The following PJVK variants were observed in gnomAD, a reference collection of about 807,000 sequenced individuals.
PJVK encodes autosomal recessive deafness type 59 protein.
PJVK carries 33 observed loss-of-function variants against 37.6 expected under a neutral mutation model. The observed-to-expected ratio is 0.88, with a 90% CI of 0.67 to 1.17. PJVK has a LOEUF of 1.17. PJVK is among the 50% of genes most tolerant of loss of function. PJVK has a pLI of 0.00. For synonymous variants in PJVK, 141 were observed against 143.5 expected, an observed-to-expected ratio of 0.98 and a Z score of 0.13; for missense variants, 410 against 413.8, an observed-to-expected ratio of 0.99 and a Z score of 0.08.
At position 178,460,431 on chromosome 2, in the gene PJVK, A is replaced by G. The variant is rs200878798; in HGVS notation, c.751A>G (p.Ile251Val). 42 of 1,613,824 alleles carry G rather than the reference A, an allele frequency of 2.6e-5. No individual in the cohort carries two copies. In the African/African-American group the frequency reaches 4.9e-4, roughly 19 times the overall value. Residue 251 changes from isoleucine to valine, a missense_variant, in exon 6 of 7, where the codon ATC becomes GTC. Physicochemically the swap from Ile to Val is conservative, Grantham distance 29. Coordinates refer to ENST00000644580, the MANE Select transcript of PJVK (RefSeq NM_001042702.5). ...TGCACTGCTGTACAGGTTGAGAAATATCCTATTTGAAAGAAGTATGTTTAT... is the reference window on the plus strand; with the variant it reads ...TGCACTGCTGTACAGGTTGAGAAATGTCCTATTTGAAAGAAGTATGTTTAT... ...TFALLYRLRN[I>V]LFERNRRVMD... is the part of the protein sequence containing the mutation.
intron 3 of PJVK, chr2:178,455,184 T>C (rs1206907836): frequency 5.0e-6 from 8 of 1,590,542 alleles, no homozygotes; most frequent in African/African-American, 2.7e-5. Flanking sequence ...ATCAAGAAGA[T>C]GGAGTGGTGG....
At chr2:178,455,367 T>G (rs944446785) in intron 3 of PJVK, 11 of 1,320,184 alleles carry the variant, frequency 8.3e-6, no homozygotes, top group African/African-American at 1.4e-5. Flanking sequence ...AAACAGGAGA[T>G]TCTGAAGAAG....
rs114870779 is a variant in PJVK at position 178,460,063 on chromosome 2, G to T, written c.668-285G>T. 1,765 of 370,890 alleles carry T rather than the reference G, an allele frequency of 4.8e-3. 24 individuals carry two copies. The highest frequency in any genetic ancestry group is 0.034 in the African/African-American group (1,633 of 48,472). 23.0% of individuals were successfully genotyped at this position (370,890 alleles called of 1,614,324 possible). A position where few individuals can be genotyped will look rare whatever the true frequency, so the allele number is the denominator to read the frequency against. On this transcript the variant is annotated intron_variant, in intron 5 of 6. Coordinates refer to ENST00000644580, the MANE Select transcript of PJVK (RefSeq NM_001042702.5). ...TTTCTTTATGCTTATAAAATATATG[G>T]AGTATTTCTGGAAGCAAACATAAGA...
rs760908810 is a variant in PJVK at position 178,456,169 on chromosome 2, G to T, written c.549+18G>T. On this transcript the variant is annotated intron_variant, in intron 4 of 6. Transcript: ENST00000644580. ...CAATGCGGGTAAACCACACTTGTTG[G>T]GTTCTCTTACTAACTAAAGTGTTGC... is the stretch of plus-strand genomic sequence containing the variant. 41 of 1,612,488 alleles carry T rather than the reference G, an allele frequency of 2.5e-5. No homozygotes were observed. The highest frequency in any genetic ancestry group is 3.2e-5 in the Non-Finnish European group (38 of 1,179,260).
chr2:178,461,392 TA>T lies in PJVK; in HGVS notation c.*120del, dbSNP rs890361972. 2 of 1,173,416 alleles carry T rather than the reference TA, an allele frequency of 1.7e-6. No individual in the cohort carries two copies. The highest frequency in any genetic ancestry group is 3.1e-5 in the African/African-American group (2 of 65,454). 72.7% of individuals were successfully genotyped at this position (1,173,416 alleles called of 1,614,324 possible). On this transcript the variant is annotated 3_prime_UTR_variant, in exon 7 of 7. Transcript: ENST00000644580. ...TAAAATGAGAAAAGCAAAAAGAAAT[TA>T]ACCTGTCTGGGTATCATATTCCCTA...
At chr2:178,453,057 A>C in intron 1 of PJVK, 1 of 317,722 alleles carries the variant, frequency 3.1e-6, no homozygotes, top group South Asian at 2.7e-5. Flanking sequence ...CTTCCCTTAA[A>C]ATTGGCCCAT....
At chr2:178,454,585 A>G (rs1356296261) in intron 3 of PJVK, 58 bp downstream of exon 3, 1 of 1,542,052 alleles carries the variant, frequency 6.5e-7, no homozygotes, top group Non-Finnish European at 8.9e-7. Context: ...TAGGTATATA[A>G]ACTTCATTAC....
In PJVK at chr2:178,453,323, ACAAG is replaced by A. The variant is rs1295564685; in HGVS notation, c.-22-61_-22-58del. On this transcript the variant is annotated intron_variant, in intron 1 of 6. Transcript: ENST00000644580. ...TTAAGATGTATAATTATATTTAAAAACAAGCAATGCTTAATTTTGTGCCTGATTT... is the reference window on the plus strand; with the variant it reads ...TTAAGATGTATAATTATATTTAAAAACAATGCTTAATTTTGTGCCTGATTT... The A allele has an allele frequency of 6.1e-6, 8 of 1,321,224 alleles. No individual in the cohort carries two copies. The African/African-American group carries it at 8.8e-5, about 15-fold the overall frequency. 81.8% of individuals were successfully genotyped at this position (1,321,224 alleles called of 1,614,324 possible).
Position 178,454,395 on chromosome 2 carries a change from G to A in PJVK, c.275G>A (p.Arg92Gln), listed in dbSNP as rs376963613. The change falls in exon 3 of 7, where the codon CGA (arginine) becomes CAA (glutamine). Residue 92 changes from arginine to glutamine, a missense_variant. Coordinates refer to ENST00000644580, the MANE Select transcript of PJVK (RefSeq NM_001042702.5). ...TCAGATGTTTCACTCTATGGAAGGC[G>A]AGGTAACCATATTGTAAATGACGTT... ...DESDVSLYGR[R>Q]GNHIVNDVGI... is the part of the protein sequence containing the mutation. 9.3e-6 allele frequency: 15 copies of A among 1,613,830 alleles called. No homozygotes were observed. The highest frequency in any genetic ancestry group is 4.0e-5 in the African/African-American group (3 of 74,926).
At position 178,453,456 on chromosome 2, in the gene PJVK, G is replaced by T. The variant is rs775279693; in HGVS notation, c.47G>T (p.Gly16Val). ...TKSFVKQVGD[G>V]GRLVPVPSLS... is the part of the protein sequence containing the mutation. ...AGCTTTGTCAAGCAAGTTGGAGATG[G>T]AGGGAGATTAGTTCCTGTTCCAAGC... The change falls in exon 2 of 7, where the codon GGA becomes GTA. Residue 16 changes from glycine (G) to valine (V), a missense_variant. Transcript: ENST00000644580. 5.0e-6 allele frequency: 8 copies of T among 1,614,180 alleles called. No individual in the cohort carries two copies. Among genetic ancestry groups the T allele is most frequent in the South Asian group, 1.1e-5 (1 of 91,080 alleles).
intron 6 of PJVK, 120 bp from the exon 7 acceptor site, chr2:178,460,848 CAAAAAAAAAAAAAA>C: frequency 3.3e-6 from 1 of 305,220 alleles, no homozygotes; most frequent in Admixed American, 6.0e-5. Flanking sequence ...GACCCTGTCT[CAAAAAAAAAAAAAA>C]AAAAAAAAAA....
At chr2:178,455,710 TACAC>T (rs2154126033) in intron 3 of PJVK, among the ~76,000 whole-genome samples, 1 of 152,202 alleles carries the variant, frequency 6.6e-6, no homozygotes, top group South Asian at 2.1e-4. Context: ...ACTTTGGCTC[TACAC>T]ACATTTGCTT....
chr2:178,453,090 A>T, intron 1 of PJVK: 1 of 348,168 alleles, frequency 2.9e-6, no homozygotes, highest in Non-Finnish European at 5.5e-6. Context: ...ATCACTATCT[A>T]CTGTGATCCT....
At chr2:178,453,657 C>G in intron 2 of PJVK, 37 bp downstream of exon 2, 1 of 1,552,106 alleles carries the variant, frequency 6.4e-7, no homozygotes, top group Non-Finnish European at 8.8e-7. Context: ...ACTCATTCAT[C>G]TGTATTATTG....
rs982098963 is a variant in PJVK at position 178,455,128 on chromosome 2, G to A, written c.407+601G>A. On this transcript the variant is annotated intron_variant, in intron 3 of 6. Coordinates refer to ENST00000644580, the MANE Select transcript of PJVK (RefSeq NM_001042702.5). ...ACGAAGTGAAGGCGGAGGAGAGCTCGTGGCTCATTGAGGACGGCAAGGTGG... is the reference window on the plus strand; with the variant it reads ...ACGAAGTGAAGGCGGAGGAGAGCTCATGGCTCATTGAGGACGGCAAGGTGG... 37 of 1,600,484 alleles carry A rather than the reference G, an allele frequency of 2.3e-5. 1 individual carries two copies. Among genetic ancestry groups the A allele is most frequent in the South Asian group, 6.6e-5 (6 of 90,746 alleles).
At chr2:178,453,678 C>A in intron 2 of PJVK, 58 bp downstream of exon 2, 1 of 1,391,410 alleles carries the variant, frequency 7.2e-7, no homozygotes. Context: ...GCAACCTAAA[C>A]ATAGGTCATA....
At chr2:178,457,701 G>A (rs1375644709) in intron 4 of PJVK, among the ~76,000 whole-genome samples, 1 of 152,170 alleles carries the variant, frequency 6.6e-6, no homozygotes, top group African/African-American at 2.4e-5. Flanking sequence ...CTCAGCTGAC[G>A]ACCATGGGCT....
rs1230862935 is a variant in PJVK, at chr2:178,460,999, G to A, written c.784G>A (p.Val262Ile). 4 of 1,613,578 alleles carry A rather than the reference G, an allele frequency of 2.5e-6. No individual in the cohort carries two copies. The highest frequency in any genetic ancestry group is 1.3e-5 in the African/African-American group (1 of 74,856). Residue 262 changes from valine to isoleucine, a missense_variant, in exon 7 of 7, where the codon GTC (valine) becomes ATC (isoleucine). Coordinates refer to ENST00000644580, the MANE Select transcript of PJVK (RefSeq NM_001042702.5). ...CCTTTTAGATAGAAGAGTGATGGAT[G>A]TCATTTCTCGTTCACAGCTTTACTT... ...LFERNRRVMD[V>I]ISRSQLYLDD...
At chr2:178,459,032 C>G (rs1385604665) in intron 5 of PJVK, among the ~76,000 whole-genome samples, 1 of 152,166 alleles carries the variant, frequency 6.6e-6, no homozygotes, top group East Asian at 1.9e-4. Context: ...ACCAGGGCCT[C>G]TAAAGACAGC....
Sources: allele counts gnomAD v4.1 joint callset (sites outside exome capture counted in the v4.1 genomes callset), GRCh38; gene constraint gnomAD v4.1.1; transcripts MANE v1.5; gene names NCBI Gene and HGNC (gene_info 2026-07-23, HGNC 2026-07-21).